The following CDH4 variants were observed in gnomAD, a reference collection of about 807,000 sequenced individuals.
CDH4 encodes the protein cadherin-4.
CDH4 carries 33 observed loss-of-function variants against 86.0 expected under a neutral mutation model. That is an observed-to-expected ratio of 0.38 (90% CI 0.29 to 0.51). The LOEUF (loss-of-function observed/expected upper bound fraction) is 0.51, where lower values mean the gene tolerates loss of function less well. CDH4 is among the 20% of genes least tolerant of loss of function. The pLI is 0.86. For synonymous variants in CDH4, 555 were observed against 549.4 expected (o/e 1.01, Z -0.14); for missense variants, 1,114 against 1,307.4 (o/e 0.85, Z 2.28).
intron 2 of CDH4, among the ~76,000 whole-genome samples, chr20:61,735,866 CT>C (rs1568786355): frequency 6.6e-6 from 1 of 152,208 alleles, no homozygotes. Flanking sequence ...GCCTCGGGGG[CT>C]GTGATCCTCT....
chr20:61,803,884 C>T (rs148540901), intron 4 of CDH4, among the ~76,000 whole-genome samples: 7 of 152,268 alleles, frequency 4.6e-5, no homozygotes, highest in African/African-American at 7.2e-5. Flanking sequence ...CAGGCTCCAT[C>T]GCTGCAGAGC....
intron 2 of CDH4, among the ~76,000 whole-genome samples, chr20:61,611,986 C>T (rs2086688994): frequency 6.6e-6 from 1 of 152,078 alleles, no homozygotes; most frequent in Non-Finnish European, 1.5e-5. Context: ...ATCTTCAGCT[C>T]ATGCATTTTT....
chr20:61,922,156 T>C (rs1192196598), intron 9 of CDH4, among the ~76,000 whole-genome samples: 1 of 152,250 alleles, frequency 6.6e-6, no homozygotes, highest in Admixed American at 6.5e-5. Flanking sequence ...CGACAGATAC[T>C]ACGCAATGAA....
chr20:61,479,681 T>C (rs191130339), intron 2 of CDH4, among the ~76,000 whole-genome samples: 1 of 152,324 alleles, frequency 6.6e-6, no homozygotes, highest in East Asian at 1.9e-4. Flanking sequence ...GGTCTAGTTT[T>C]CTTCATGTTT....
At chr20:61,728,369 T>A (rs138066699) in intron 2 of CDH4, among the ~76,000 whole-genome samples, 357 of 151,748 alleles carry the variant, frequency 2.4e-3, no homozygotes, top group Non-Finnish European at 4.0e-3. Context: ...GTTATTTAGA[T>A]GGTGCCTTAT....
At chr20:61,936,416 A>AC (rs1158472104) in intron 15 of CDH4, among the ~76,000 whole-genome samples, 1 of 2,200 alleles carries the variant, frequency 4.5e-4, no homozygotes, top group Non-Finnish European at 8.4e-4. Flanking sequence ...CCCCTCTCCC[A>AC]CACCCCCCCC....
chr20:61,794,012 G>A (rs62206263), intron 4 of CDH4, among the ~76,000 whole-genome samples: 74,406 of 146,854 alleles, frequency 0.51, 18,817 homozygotes, highest in Admixed American at 0.57. Context: ...GCGTGGTGGC[G>A]GGCACCTGTA....
At chr20:61,617,137 G>A (rs747573769) in intron 2 of CDH4, among the ~76,000 whole-genome samples, 7 of 152,100 alleles carry the variant, frequency 4.6e-5, no homozygotes, top group African/African-American at 7.2e-5. Context: ...GGCTCCCACC[G>A]CACCCACCAC....
chr20:61,897,071 G>GC (rs1273967207), intron 8 of CDH4, among the ~76,000 whole-genome samples: 1 of 152,172 alleles, frequency 6.6e-6, no homozygotes, highest in Non-Finnish European at 1.5e-5. Flanking sequence ...GTCACACTGA[G>GC]CCCCCCACAG....
chr20:61,649,163 C>A (rs539190722), intron 2 of CDH4, among the ~76,000 whole-genome samples: 1 of 152,356 alleles, frequency 6.6e-6, no homozygotes, highest in South Asian at 2.1e-4. Context: ...CGTGTGTCTG[C>A]CAGTGGGCTC....
chr20:61,599,698 G>A (rs537131110), intron 2 of CDH4: 2 of 529,664 alleles, frequency 3.8e-6, no homozygotes, highest in East Asian at 1.5e-4. Context: ...TGGTCTCTGC[G>A]TCTGGGCTCC....
At chr20:61,298,805 G>T (rs1374431093) in intron 2 of CDH4, among the ~76,000 whole-genome samples, 1 of 66,586 alleles carries the variant, frequency 1.5e-5, no homozygotes, top group Non-Finnish European at 3.4e-5. Context: ...TGTATCGCTG[G>T]TGAGAGTCTT....
At chr20:61,591,740 G>A (rs1294032949) in intron 2 of CDH4, among the ~76,000 whole-genome samples, 1 of 152,164 alleles carries the variant, frequency 6.6e-6, no homozygotes, top group South Asian at 2.1e-4. Flanking sequence ...TTTAACCCAT[G>A]CATAATTTTG....
chr20:61,368,148 C>T (rs574101138), intron 2 of CDH4, among the ~76,000 whole-genome samples: 5 of 152,246 alleles, frequency 3.3e-5, no homozygotes, highest in African/African-American at 1.2e-4. Flanking sequence ...GGATTACAGG[C>T]GTGAGCCGCT....
intron 2 of CDH4, among the ~76,000 whole-genome samples, chr20:61,537,872 G>A (rs60459732): frequency 9.2e-5 from 14 of 152,160 alleles, no homozygotes; most frequent in African/African-American, 3.1e-4. Context: ...CCATGAAAGG[G>A]GCCGAGCGAG....
intron 2 of CDH4, among the ~76,000 whole-genome samples, chr20:61,313,900 C>T (rs927182520): frequency 1.3e-5 from 2 of 152,156 alleles, no homozygotes; most frequent in African/African-American, 4.8e-5. Context: ...CCATGCCCAG[C>T]TAATTTTTGT....
In CDH4 at chr20:61,928,431, C is replaced by T. The variant is rs6061901; in HGVS notation, c.2005+8C>T. The T allele has an allele frequency of 0.014, 22,718 of 1,610,188 alleles. 2,141 individuals are homozygous for T. The African/African-American group carries it at 0.23, about 17-fold the overall frequency. On this transcript the variant is annotated splice_region_variant and intron_variant, in intron 12 of 15. Coordinates refer to ENST00000614565, the MANE Select transcript of CDH4 (RefSeq NM_001794.5). ...CCATCACCCGCCTGAACGGTGAGCC[C>T]GCCTTAGGCCACGGGGAGGGTCAGA...
chr20:61,471,619 T>A (rs1003414753), intron 2 of CDH4, among the ~76,000 whole-genome samples: 2 of 152,064 alleles, frequency 1.3e-5, no homozygotes, highest in Admixed American at 6.6e-5. Context: ...TTTAAAGTTT[T>A]TCTACTTTGT....
At chr20:61,343,351 A>C (rs550024889) in intron 2 of CDH4, among the ~76,000 whole-genome samples, 4 of 152,382 alleles carry the variant, frequency 2.6e-5, no homozygotes, top group African/African-American at 9.6e-5. Context: ...ATTTTCATTC[A>C]GATTATATCA....
Sources: allele counts gnomAD v4.1 joint callset (sites outside exome capture counted in the v4.1 genomes callset), GRCh38; gene constraint gnomAD v4.1.1; transcripts MANE v1.5; gene names NCBI Gene and HGNC (gene_info 2026-07-23, HGNC 2026-07-21).